Variants in DNMT3A observed in about 807,000 individuals in gnomAD.
The protein encoded by DNMT3A is DNA (cytosine-5)-methyltransferase 3A.
A neutral mutation model predicts 117.6 loss-of-function variants in DNMT3A; 267 were observed. The ratio of observed to expected loss-of-function variants is 2.27; its 90% CI spans 2.05 to 2.51. The LOEUF is 2.51. Among genes scored for constraint, DNMT3A ranks in the 30% most tolerant of loss-of-function variants. The pLI is 0.00. For synonymous variants in DNMT3A, 432 were observed against 474.8 expected, an observed-to-expected ratio of 0.91 and a Z score of 1.17; for missense variants, 1,029 against 1,260.2, an observed-to-expected ratio of 0.82 and a Z score of 2.78.
chr2:25,274,230 G>A (rs116551450), intron 6 of DNMT3A, among the ~76,000 whole-genome samples: 33 of 152,132 alleles, frequency 2.2e-4, no homozygotes, highest in Non-Finnish European at 4.0e-4. Context: ...CCTCCCTGCC[G>A]GTCCATCAGC....
At chr2:25,264,438 C>A (rs1314639844) in intron 6 of DNMT3A, among the ~76,000 whole-genome samples, 4 of 151,368 alleles carry the variant, frequency 2.6e-5, no homozygotes, top group Non-Finnish European at 4.4e-5. Context: ...CTGTGCTGGG[C>A]CAAAGGTTTT....
At chr2:25,285,244 CTAT>C (rs1029091856) in intron 3 of DNMT3A, among the ~76,000 whole-genome samples, 1 of 152,218 alleles carries the variant, frequency 6.6e-6, no homozygotes, top group African/African-American at 2.4e-5. Flanking sequence ...CTGCAAAGCC[CTAT>C]TTCCAAGGCT....
chr2:25,245,236 G>T lies in DNMT3A; in HGVS notation c.1554+17C>A. 1.9e-6 allele frequency: 3 copies of T among 1,613,004 alleles called. No homozygotes were observed. The highest frequency in any genetic ancestry group is 2.5e-6 in the Non-Finnish European group (3 of 1,179,420). On this transcript the variant is annotated intron_variant, in intron 13 of 22. Transcript: ENST00000321117. ...GCCGGCCTCAACGGCACCTCTCCTG[G>T]GTGGGTGTGCTCCTACCTTGCAGTT... is the stretch of plus-strand genomic sequence containing the variant.
intron 17 of DNMT3A, 71 bp downstream of exon 17, chr2:25,241,491 G>A: frequency 6.5e-7 from 1 of 1,535,558 alleles, no homozygotes; most frequent in Non-Finnish European, 8.7e-7. Context: ...ATGAAAGGAG[G>A]CAAGGGCTGC....
chr2:25,341,212 C>T (rs1422976997), intron 1 of DNMT3A, among the ~76,000 whole-genome samples: 1 of 144,830 alleles, frequency 6.9e-6, no homozygotes, highest in Non-Finnish European at 1.5e-5. Flanking sequence ...GGGCCGGGCG[C>T]CGGGGGGAGG....
Position 25,282,234 on chromosome 2 carries a change from T to G in DNMT3A, c.448+207A>C. 3 of 1,255,614 alleles carry G rather than the reference T, an allele frequency of 2.4e-6. No individual in the cohort carries two copies. Among genetic ancestry groups the G allele is most frequent in the Admixed American group, 7.8e-5 (2 of 25,636 alleles). The allele number at this position is 1,255,614 out of a possible 1,614,324, so 77.8% of individuals were successfully genotyped here. A position where few individuals can be genotyped will look rare whatever the true frequency, so the allele number is the denominator to read the frequency against. On this transcript the variant is annotated intron_variant, in intron 4 of 22. Coordinates refer to ENST00000321117, the MANE Select transcript of DNMT3A (RefSeq NM_022552.5). This position sits in a 1 kb window ranked among gnomAD's most constrained non-coding sequence, Gnocchi z 5.2. ...ATTTTTAAATACTGGCAACTAATTT[T>G]TTAAATGTTTAAAACACTCTATGGG...
chr2:25,259,409 C>A (rs1676425346), intron 6 of DNMT3A, among the ~76,000 whole-genome samples: 1 of 152,194 alleles, frequency 6.6e-6, no homozygotes, highest in Admixed American at 6.5e-5. Flanking sequence ...GAGCAGGGCG[C>A]TGAGCAGGGT....
chr2:25,332,098 G>A (rs902420179), intron 1 of DNMT3A, among the ~76,000 whole-genome samples: 2 of 152,146 alleles, frequency 1.3e-5, no homozygotes, highest in African/African-American at 2.4e-5. Context: ...CCTTCCACCC[G>A]GGCTCCCTGC....
At position 25,304,640 on chromosome 2, in the gene DNMT3A, T is replaced by TC. The variant is rs943710582; in HGVS notation, c.73-4398dup. Among the ~76,000 whole-genome samples, 4 of 152,240 alleles carry TC rather than the reference T, an allele frequency of 2.6e-5. No individual in the cohort carries two copies. Among genetic ancestry groups the TC allele is most frequent in the African/African-American group, 9.6e-5 (4 of 41,472 alleles). The stretch of plus-strand genomic sequence containing the variant: ...GAGCTTAAACCTTTGCCACGGGGGT[T>TC]CCCGGGGGCCAGGAGGATCCAGCCA... On this transcript the variant is annotated intron_variant, in intron 2 of 22. Transcript: ENST00000321117. The surrounding 1 kb of genome is among the most constrained non-coding windows in gnomAD (Gnocchi z 4.3).
chr2:25,246,485 A>T, intron 10 of DNMT3A, 135 bp downstream of exon 10: 6 of 1,447,616 alleles, frequency 4.1e-6, no homozygotes, highest in Non-Finnish European at 4.6e-6. Context: ...ACCCCAGGGC[A>T]AGAGAGACCC....
chr2:25,314,427 G>A, intron 1 of DNMT3A: 1 of 985,304 alleles, frequency 1.0e-6, no homozygotes, highest in Non-Finnish European at 1.2e-6. Context: ...ACCTCCAGCT[G>A]CCTCCGCCTC....
chr2:25,266,770 T>C (rs1475355806), intron 6 of DNMT3A, among the ~76,000 whole-genome samples: 3 of 152,200 alleles, frequency 2.0e-5, no homozygotes, highest in African/African-American at 7.2e-5. Context: ...TCCCACCCAT[T>C]TGACTAGCAA....
intron 1 of DNMT3A, chr2:25,314,602 C>T (rs950088968): frequency 1.0e-6 from 1 of 985,212 alleles, no homozygotes; most frequent in Non-Finnish European, 1.2e-6. Flanking sequence ...CCTCCCGCCA[C>T]GTGGAGGAAG....
chr2:25,318,436 G>A lies in DNMT3A; in HGVS notation c.-177-4275C>T, dbSNP rs12620741. ...CGAGTAGCTGGGACCACAGGCGCCC[G>A]TCACCACTCCCGGCTAATTCTTGTA... On this transcript the variant is annotated intron_variant, in intron 1 of 22. Transcript: ENST00000321117. 2.0e-3 allele frequency among the ~76,000 whole-genome samples: 304 copies of A among 151,034 alleles called. 9 individuals are homozygous for A. The East Asian group carries it at 0.046, about 23-fold the overall frequency.
chr2:25,289,975 C>CT (rs1466676197), intron 3 of DNMT3A, among the ~76,000 whole-genome samples: 24 of 152,082 alleles, frequency 1.6e-4, no homozygotes, highest in East Asian at 5.8e-4. Context: ...TTTTTTCTTT[C>CT]TTTTTTTTAA....
At chr2:25,299,657 G>T (rs749838064) in intron 3 of DNMT3A, among the ~76,000 whole-genome samples, 1 of 152,208 alleles carries the variant, frequency 6.6e-6, no homozygotes, top group East Asian at 1.9e-4. Flanking sequence ...GTGGCCGGGC[G>T]CGGTGGCTCA....
chr2:25,272,465 C>T (rs185100942), intron 6 of DNMT3A, among the ~76,000 whole-genome samples: 9 of 152,278 alleles, frequency 5.9e-5, no homozygotes, highest in East Asian at 1.9e-4. Context: ...AAAGTTCTTC[C>T]GGTTCCTAAA....
rs952204974 is a variant in DNMT3A at position 25,286,974 on chromosome 2, A to T, written c.178-4263T>A. ...CAGAGACTTTGCTCGATCCGGCTAG[A>T]CTTAGCAGGGAGTGGGGCACCTGAC... On this transcript the variant is annotated intron_variant, in intron 3 of 22. Transcript: ENST00000321117. This position sits in a 1 kb window ranked among gnomAD's most constrained non-coding sequence, Gnocchi z 4.3. Among the ~76,000 whole-genome samples the T allele has an allele frequency of 2.0e-5, 3 of 152,208 alleles. No individual in the cohort carries two copies. The highest frequency in any genetic ancestry group is 7.2e-5 in the African/African-American group (3 of 41,464).
intron 6 of DNMT3A, among the ~76,000 whole-genome samples, chr2:25,273,701 C>A (rs558209799): frequency 1.3e-5 from 2 of 152,192 alleles, no homozygotes; most frequent in Non-Finnish European, 2.9e-5. Context: ...AAGCCCTCCA[C>A]GGGCTGTTCC....
Sources: gnomAD v4.1 joint callset for allele counts (sites outside exome capture counted in the v4.1 genomes callset) on GRCh38, gnomAD v4.1.1 for gene constraint, Gnocchi (gnomAD v3.1) non-coding constraint, MANE v1.5 for transcripts, NCBI Gene and HGNC (gene_info 2026-07-23, HGNC 2026-07-21) for gene names.